METTL9: variants seen among roughly 807,000 people sequenced by gnomAD.
METTL9 encodes protein-L-histidine N-pros-methyltransferase.
METTL9 carries 10 observed loss-of-function variants against 36.0 expected under a neutral mutation model. The observed-to-expected ratio is 0.28, with a 90% CI of 0.17 to 0.47. The LOEUF (loss-of-function observed/expected upper bound fraction) is 0.47, where lower values mean the gene tolerates loss of function less well. Among genes scored for constraint, METTL9 ranks in the 20% least tolerant of loss-of-function variants. The pLI is 0.99. For synonymous variants in METTL9, 175 were observed against 149.7 expected, an observed-to-expected ratio of 1.17 and a Z score of -1.23; for missense variants, 246 against 383.5, an observed-to-expected ratio of 0.64 and a Z score of 3.00.
intron 4 of METTL9, among the ~76,000 whole-genome samples, chr16:21,626,372 G>A (rs564000200): frequency 6.6e-6 from 1 of 152,208 alleles, no homozygotes; most frequent in South Asian, 2.1e-4. Flanking sequence ...TATAACCATT[G>A]GATTCTGTGT....
chr16:21,652,504 T>C, intron 4 of METTL9: 4 of 1,567,742 alleles, frequency 2.6e-6, no homozygotes, highest in Non-Finnish European at 3.5e-6. Context: ...TTAAATAAAA[T>C]GAAGGAGGAG....
chr16:21,601,183 G>A (rs993228356), intron 1 of METTL9, among the ~76,000 whole-genome samples: 9 of 152,098 alleles, frequency 5.9e-5, no homozygotes, highest in African/African-American at 2.2e-4. Context: ...TGTATGATAT[G>A]GTTAGGAATG....
chr16:21,653,190 G>C (rs1216508237), intron 4 of METTL9: 1 of 152,100 alleles, frequency 6.6e-6, no homozygotes, highest in Non-Finnish European at 1.5e-5. Flanking sequence ...CAAGATTGCA[G>C]GTCATTGCAG....
At chr16:21,616,337 C>T (rs1382676464) in intron 2 of METTL9, among the ~76,000 whole-genome samples, 1 of 152,174 alleles carries the variant, frequency 6.6e-6, no homozygotes, top group Non-Finnish European at 1.5e-5. Flanking sequence ...CAACCTCATT[C>T]GAACAGCAGC....
At chr16:21,606,910 G>A (rs1965304688) in intron 1 of METTL9, among the ~76,000 whole-genome samples, 1 of 151,306 alleles carries the variant, frequency 6.6e-6, no homozygotes, top group Non-Finnish European at 1.5e-5. Flanking sequence ...TATATCACAT[G>A]TTTGATTAGT....
chr16:21,657,450 T>C lies in METTL9; in HGVS notation c.*2018T>C, dbSNP rs1020267841. On this transcript the variant is annotated 3_prime_UTR_variant, in exon 5 of 5. Transcript: ENST00000358154. The stretch of plus-strand genomic sequence containing the variant: ...CATGTTTTTCTCCCCCAAAGTACAA[T>C]AAAGCTGCCTTGTCTGCACCATTCC... 2 of 152,176 alleles carry C rather than the reference T, an allele frequency of 1.3e-5. No homozygotes were observed. Among genetic ancestry groups the C allele is most frequent in the African/African-American group, 4.8e-5 (2 of 41,446 alleles). 9.4% of individuals were successfully genotyped at this position (152,176 alleles called of 1,614,324 possible).
chr16:21,627,265 C>G, intron 4 of METTL9: 3 of 985,244 alleles, frequency 3.0e-6, no homozygotes, highest in Non-Finnish European at 3.6e-6. Flanking sequence ...TGGAGGATAT[C>G]TGAGTGTGCT....
At chr16:21,601,645 C>T (rs969683969) in intron 1 of METTL9, among the ~76,000 whole-genome samples, 4 of 151,874 alleles carry the variant, frequency 2.6e-5, no homozygotes, top group Non-Finnish European at 5.9e-5. Context: ...TCTGACTGTA[C>T]CTTTTAAAAG....
In METTL9 at chr16:21,617,861, T is replaced by C. The variant is rs1056321145; in HGVS notation, c.357-4T>C. The C allele has an allele frequency of 6.2e-7, 1 of 1,613,386 alleles. No homozygotes were observed. The highest frequency in any genetic ancestry group is 8.5e-7 in the Non-Finnish European group (1 of 1,179,406). On this transcript the variant is annotated splice_region_variant and splice_polypyrimidine_tract_variant and intron_variant, in intron 2 of 4. Coordinates refer to ENST00000358154, the MANE Select transcript of METTL9 (RefSeq NM_016025.5). Reference sequence around the variant, plus strand: ...CTTCCATTTTTGTCCTTTTTTTCTTTCAGGTTGCTAGGAAGAGGCTCAATG... The same window carrying C: ...CTTCCATTTTTGTCCTTTTTTTCTTCCAGGTTGCTAGGAAGAGGCTCAATG...
At chr16:21,599,490 G>A (rs1394901328), upstream of METTL9, 5 of 1,205,664 alleles carry the variant, frequency 4.1e-6, no homozygotes, top group East Asian at 1.5e-4. The surrounding 1 kb of genome is among the most constrained non-coding windows in gnomAD (Gnocchi z 4.4). Flanking sequence ...GCTCGTAAGT[G>A]CTCCGGATGG....
At chr16:21,599,171 C>T (rs1246972501), upstream of METTL9, among the ~76,000 whole-genome samples, 1 of 152,098 alleles carries the variant, frequency 6.6e-6, no homozygotes, top group African/African-American at 2.4e-5. This position sits in a 1 kb window ranked among gnomAD's most constrained non-coding sequence, Gnocchi z 4.4. Flanking sequence ...CAAAGTCCCG[C>T]CGTGGAGTGG....
chr16:21,637,916 A>G (rs971701157), intron 4 of METTL9, among the ~76,000 whole-genome samples: 5 of 152,256 alleles, frequency 3.3e-5, no homozygotes, highest in Non-Finnish European at 7.3e-5. Context: ...TCACCTCTCA[A>G]TAAGCCACTC....
chr16:21,600,156 G>C (rs999613119), intron 1 of METTL9, among the ~76,000 whole-genome samples: 2 of 152,100 alleles, frequency 1.3e-5, no homozygotes, highest in African/African-American at 2.4e-5. Flanking sequence ...GATCGTGAGC[G>C]GCCCGGAGCC....
At chr16:21,629,250 C>T (rs1013774805) in intron 4 of METTL9, among the ~76,000 whole-genome samples, 2 of 152,060 alleles carry the variant, frequency 1.3e-5, no homozygotes, top group Non-Finnish European at 2.9e-5. Context: ...CACCCCCCAT[C>T]GTGATGGTAT....
At chr16:21,645,926 C>G (rs1047983289) in intron 4 of METTL9, among the ~76,000 whole-genome samples, 1 of 152,070 alleles carries the variant, frequency 6.6e-6, no homozygotes, top group Non-Finnish European at 1.5e-5. Flanking sequence ...TATCAAAAGC[C>G]CATTAGAACC....
At chr16:21,613,867 T>C (rs549306147) in intron 2 of METTL9, among the ~76,000 whole-genome samples, 18 of 151,718 alleles carry the variant, frequency 1.2e-4, no homozygotes, top group South Asian at 6.2e-4. Context: ...CTTGGCCATG[T>C]TTTCAAGCAT....
intron 2 of METTL9, among the ~76,000 whole-genome samples, chr16:21,614,802 A>G (rs1298727938): frequency 1.3e-5 from 2 of 152,120 alleles, no homozygotes; most frequent in Non-Finnish European, 2.9e-5. Context: ...CTCTCCGTAG[A>G]CTCTTAAGTC....
intron 4 of METTL9, among the ~76,000 whole-genome samples, chr16:21,628,930 C>T (rs951616284): frequency 6.7e-6 from 1 of 149,142 alleles, no homozygotes; most frequent in African/African-American, 2.5e-5. Flanking sequence ...CACTCTGTCA[C>T]CGAGGATGGA....
At chr16:21,643,013 T>G in intron 4 of METTL9, 1 of 1,104,426 alleles carries the variant, frequency 9.1e-7, no homozygotes, top group Non-Finnish European at 1.4e-6. Context: ...CTTGGCAGCT[T>G]AGTTTTTTCA....
Sources: allele counts gnomAD v4.1 joint callset (sites outside exome capture counted in the v4.1 genomes callset), GRCh38; gene constraint gnomAD v4.1.1; non-coding constraint Gnocchi (gnomAD v3.1); transcripts MANE v1.5; gene names NCBI Gene and HGNC (gene_info 2026-07-23, HGNC 2026-07-21).